The following FLYWCH1 variants were observed in gnomAD, a reference collection of about 807,000 sequenced individuals.
FLYWCH1 encodes the protein FLYWCH-type zinc finger-containing protein 1.
In FLYWCH1, 75 loss-of-function variants were observed where a neutral mutation model predicts 66.4. The ratio of observed to expected loss-of-function variants is 1.13; its 90% CI spans 0.94 to 1.37. The LOEUF is 1.37. Ranked by LOEUF, FLYWCH1 falls within the 40% of genes most tolerant of loss-of-function variation. FLYWCH1 has a pLI of 0.00. For missense variants in FLYWCH1, 1,334 were observed against 1,001.8 expected, an observed-to-expected ratio of 1.33 and a Z score of -4.48; for synonymous variants, 595 against 429.9, an observed-to-expected ratio of 1.38 and a Z score of -4.75.
At position 2,948,826 on chromosome 16, in the gene FLYWCH1, C is replaced by G; in HGVS notation, c.*99C>G. On this transcript the variant is annotated 3_prime_UTR_variant, in exon 10 of 10. Transcript: ENST00000253928. Reference sequence around the variant, plus strand: ...CCTAGGTTTGGCTTAGCAGAAACTTCTTTTCATTCTTCCAAAGCATCGATG... The same window carrying G: ...CCTAGGTTTGGCTTAGCAGAAACTTGTTTTCATTCTTCCAAAGCATCGATG... 1 of 1,061,778 alleles carries G rather than the reference C, an allele frequency of 9.4e-7. No homozygotes were observed. The highest frequency in any genetic ancestry group is 1.3e-5 in the South Asian group (1 of 77,470). 65.8% of individuals were successfully genotyped at this position (1,061,778 alleles called of 1,614,324 possible). A position where few individuals can be genotyped will look rare whatever the true frequency, so the allele number is the denominator to read the frequency against.
intron 9 of FLYWCH1, among the ~76,000 whole-genome samples, chr16:2,946,634 C>A (rs573880476): frequency 2.0e-5 from 3 of 151,946 alleles, no homozygotes; most frequent in South Asian, 2.1e-4. Flanking sequence ...AGAATTCTTA[C>A]AACAATGAAA....
At chr16:2,938,013 C>T (rs1004777533) in intron 7 of FLYWCH1, among the ~76,000 whole-genome samples, 171 bp from the exon 8 acceptor site, 9 of 152,154 alleles carry the variant, frequency 5.9e-5, no homozygotes, top group Non-Finnish European at 1.0e-4. Flanking sequence ...GGCCAGCCAG[C>T]GTGGGAGTCT....
chr16:2,917,388 C>T (rs1024067971), intron 2 of FLYWCH1, among the ~76,000 whole-genome samples: 6 of 151,496 alleles, frequency 4.0e-5, no homozygotes, highest in Admixed American at 1.3e-4. Context: ...CACCACGACG[C>T]CCAGCTAATT....
At chr16:2,936,789 G>C (rs2071021468) in intron 6 of FLYWCH1, 6 of 534,374 alleles carry the variant, frequency 1.1e-5, no homozygotes, top group Non-Finnish European at 2.2e-5. Context: ...TGACCAACCA[G>C]GCACGGCGCA....
intron 2 of FLYWCH1, among the ~76,000 whole-genome samples, chr16:2,921,514 A>G (rs951284426): frequency 3.3e-5 from 5 of 152,056 alleles, no homozygotes; most frequent in Non-Finnish European, 7.4e-5. Context: ...CTGGAAATAT[A>G]GCAAGACCCT....
chr16:2,933,200 C>G lies in FLYWCH1; in HGVS notation c.867C>G (p.Leu289=), dbSNP rs765938514. ...GCTTCCTGGTACACGAGTCGTTCCT[C>G]TACAAGCGGGAGAAGGCTGTCGGGG... ...GGSFLVHESF[L]YKREKAVGDK... The change falls in exon 5 of 10, where the codon CTC becomes CTG. Residue 289 remains leucine (L), a synonymous_variant. Transcript: ENST00000253928. The G allele has an allele frequency of 3.7e-6, 6 of 1,613,610 alleles. No homozygotes were observed. Among genetic ancestry groups the G allele is most frequent in the East Asian group, 4.5e-5 (2 of 44,840 alleles).
rs560174160 is a variant in FLYWCH1 at position 2,949,934 on chromosome 16, T to G, written c.*1207T>G. 7.2e-5 allele frequency: 11 copies of G among 152,248 alleles called. No individual in the cohort carries two copies. The East Asian group carries it at 1.9e-3, about 27-fold the overall frequency. 9.4% of individuals were successfully genotyped at this position (152,248 alleles called of 1,614,324 possible). A position where few individuals can be genotyped will look rare whatever the true frequency, so the allele number is the denominator to read the frequency against. ...GAGACCCCTCCCCATGCCTGGGCTG[T>G]TACAGTCACCTGGCCCAGACGTAAC... is the stretch of plus-strand genomic sequence containing the variant. On this transcript the variant is annotated 3_prime_UTR_variant, in exon 10 of 10. Coordinates refer to ENST00000253928, the MANE Select transcript of FLYWCH1 (RefSeq NM_001308068.2).
At position 2,916,410 on chromosome 16, in the gene FLYWCH1, C is replaced by T. The variant is rs1269428300; in HGVS notation, c.-74+2121C>T. Among the ~76,000 whole-genome samples, 6 of 151,590 alleles carry T rather than the reference C, an allele frequency of 4.0e-5. No homozygotes were observed. In the East Asian group the frequency reaches 7.8e-4, roughly 20 times the overall value. The stretch of plus-strand genomic sequence containing the variant: ...CAGCACTTTGGGAAGCTGAGGCAGG[C>T]GGATCACGAAGTCAGGAGATAGAGA... On this transcript the variant is annotated intron_variant, in intron 2 of 9. Transcript: ENST00000253928.
In FLYWCH1 at chr16:2,948,853, T is replaced by C. The variant is rs1255708936; in HGVS notation, c.*126T>C. 1.3e-6 allele frequency: 1 copy of C among 793,196 alleles called. No homozygotes were observed. Among genetic ancestry groups the C allele is most frequent in the Non-Finnish European group, 2.1e-6 (1 of 474,382 alleles). 49.1% of individuals were successfully genotyped at this position (793,196 alleles called of 1,614,324 possible). A position where few individuals can be genotyped will look rare whatever the true frequency, so the allele number is the denominator to read the frequency against. Reference sequence around the variant, plus strand: ...TTTCATTCTTCCAAAGCATCGATGGTCTTCGCGTCTCCTCAGGAGGTCTCC... The same window carrying C: ...TTTCATTCTTCCAAAGCATCGATGGCCTTCGCGTCTCCTCAGGAGGTCTCC... On this transcript the variant is annotated 3_prime_UTR_variant, in exon 10 of 10. Coordinates refer to ENST00000253928, the MANE Select transcript of FLYWCH1 (RefSeq NM_001308068.2).
At chr16:2,939,201 T>G (rs1473261333) in intron 8 of FLYWCH1, among the ~76,000 whole-genome samples, 1 of 152,096 alleles carries the variant, frequency 6.6e-6, no homozygotes, top group Non-Finnish European at 1.5e-5. Flanking sequence ...ATCCCAGCAC[T>G]TTGGGAGGCT....
intron 2 of FLYWCH1, among the ~76,000 whole-genome samples, chr16:2,927,747 G>T (rs946596143): frequency 6.6e-6 from 1 of 152,222 alleles, no homozygotes; most frequent in Non-Finnish European, 1.5e-5. Flanking sequence ...GGTGAAGGAG[G>T]CCTGCCGCTC....
intron 4 of FLYWCH1, 128 bp downstream of exon 4, chr16:2,931,008 TA>T (rs1187132607): frequency 2.2e-5 from 17 of 773,908 alleles, no homozygotes; most frequent in Non-Finnish European, 1.0e-5. Flanking sequence ...AAATGACTTT[TA>T]AAAATATAAA....
At chr16:2,940,125 C>A in intron 9 of FLYWCH1, 33 bp downstream of exon 9, 1 of 981,362 alleles carries the variant, frequency 1.0e-6, no homozygotes, top group Non-Finnish European at 1.6e-6. Flanking sequence ...GGTGCATGAC[C>A]AATTACAACA....
At chr16:2,947,315 G>A (rs2071525311) in intron 9 of FLYWCH1, among the ~76,000 whole-genome samples, 2 of 152,212 alleles carry the variant, frequency 1.3e-5, no homozygotes, top group Non-Finnish European at 2.9e-5. Context: ...CTGGGGCAAG[G>A]GAAGCTGAGG....
intron 2 of FLYWCH1, among the ~76,000 whole-genome samples, chr16:2,919,150 A>G (rs570181903): frequency 6.6e-6 from 1 of 151,296 alleles, no homozygotes; most frequent in East Asian, 2.0e-4. Flanking sequence ...CGATCTCCTG[A>G]CGTTGTGATC....
At chr16:2,918,399 G>A (rs1287415478) in intron 2 of FLYWCH1, among the ~76,000 whole-genome samples, 1 of 151,180 alleles carries the variant, frequency 6.6e-6, no homozygotes, top group African/African-American at 2.4e-5. Context: ...CGCCTGCCTT[G>A]GCCTTCTAAA....
chr16:2,949,671 T>G lies in FLYWCH1; in HGVS notation c.*944T>G, dbSNP rs1426530610. 1 of 151,946 alleles carries G rather than the reference T, an allele frequency of 6.6e-6. No homozygotes were observed. The highest frequency in any genetic ancestry group is 2.4e-5 in the African/African-American group (1 of 41,352). 9.4% of individuals were successfully genotyped at this position (151,946 alleles called of 1,614,324 possible). On this transcript the variant is annotated 3_prime_UTR_variant, in exon 10 of 10. Coordinates refer to ENST00000253928, the MANE Select transcript of FLYWCH1 (RefSeq NM_001308068.2). Reference sequence around the variant, plus strand: ...GTCCTTCACTCCCACCCTGTAATTGTGGGGGGAGTGCCAGCAACAGGCCTG... The same window carrying G: ...GTCCTTCACTCCCACCCTGTAATTGGGGGGGGAGTGCCAGCAACAGGCCTG...
chr16:2,933,098 T>A, intron 4 of FLYWCH1, 32 bp from the exon 5 acceptor site: 1 of 1,589,074 alleles, frequency 6.3e-7, no homozygotes, highest in Non-Finnish European at 8.6e-7. Context: ...TCTCCACCCC[T>A]GGTGATGTGA....
At chr16:2,920,234 C>A (rs182084982) in intron 2 of FLYWCH1, among the ~76,000 whole-genome samples, 2 of 152,188 alleles carry the variant, frequency 1.3e-5, no homozygotes, top group East Asian at 3.9e-4. Flanking sequence ...GAACAAGAAG[C>A]TTCTGATGTT....
Sources: gnomAD v4.1 joint callset for allele counts (sites outside exome capture counted in the v4.1 genomes callset) on GRCh38, gnomAD v4.1.1 for gene constraint, MANE v1.5 for transcripts, NCBI Gene and HGNC (gene_info 2026-07-23, HGNC 2026-07-21) for gene names.